COL14A1: variants seen among roughly 807,000 people sequenced by gnomAD.
COL14A1 encodes the protein collagen type XIV alpha 1 chain.
A neutral mutation model predicts 230.3 loss-of-function variants in COL14A1; 136 were observed. That is an observed-to-expected ratio of 0.59 (90% CI 0.51 to 0.68). The LOEUF (loss-of-function observed/expected upper bound fraction) is 0.68. Ranked by LOEUF, COL14A1 falls within the 30% of genes least tolerant of loss-of-function variation. The pLI is 0.00. For missense variants in COL14A1, 1,976 were observed against 2,215.8 expected (o/e 0.89, Z 2.17); for synonymous variants, 792 against 784.1 (o/e 1.01, Z -0.17).
At chr8:120,175,326 G>T (rs976486553) in intron 5 of COL14A1, among the ~76,000 whole-genome samples, 1 of 152,150 alleles carries the variant, frequency 6.6e-6, no homozygotes, top group Non-Finnish European at 1.5e-5. Context: ...TTTTGCACAA[G>T]AATGCAGAAC....
chr8:120,257,612 C>A (rs1227591530), intron 23 of COL14A1, among the ~76,000 whole-genome samples: 1 of 152,156 alleles, frequency 6.6e-6, no homozygotes, highest in Non-Finnish European at 1.5e-5. Flanking sequence ...CTTTAAAGGA[C>A]TTGTGGTAAG....
At chr8:120,253,022 C>T (rs544808007) in intron 22 of COL14A1, among the ~76,000 whole-genome samples, 44 of 152,290 alleles carry the variant, frequency 2.9e-4, no homozygotes, top group Middle Eastern at 6.8e-3. Flanking sequence ...TGATCTTGTG[C>T]TTGGCTGTTG....
At chr8:120,152,550 A>C (rs1815325738) in intron 2 of COL14A1, among the ~76,000 whole-genome samples, 1 of 151,532 alleles carries the variant, frequency 6.6e-6, no homozygotes, top group Non-Finnish European at 1.5e-5. Flanking sequence ...AATGTGCTTT[A>C]CCATTTAGTC....
chr8:120,200,699 T>C (rs1817207382), intron 8 of COL14A1, among the ~76,000 whole-genome samples: 1 of 128,884 alleles, frequency 7.8e-6, no homozygotes, highest in African/African-American at 2.8e-5. Context: ...AGAAAGATCC[T>C]AAAAAGTTTT....
At chr8:120,176,320 C>T (rs1472237783) in intron 5 of COL14A1, among the ~76,000 whole-genome samples, 4 of 152,126 alleles carry the variant, frequency 2.6e-5, no homozygotes, top group Non-Finnish European at 5.9e-5. Flanking sequence ...TCTAGCAGGG[C>T]TCAACACATG....
At chr8:120,155,944 A>G (rs1815462590) in intron 2 of COL14A1, among the ~76,000 whole-genome samples, 1 of 152,164 alleles carries the variant, frequency 6.6e-6, no homozygotes. Context: ...GAGAAATGTA[A>G]ACTCTTTCTT....
At chr8:120,186,955 A>T (rs938624562) in intron 5 of COL14A1, among the ~76,000 whole-genome samples, 1 of 152,172 alleles carries the variant, frequency 6.6e-6, no homozygotes, top group Non-Finnish European at 1.5e-5. Flanking sequence ...CACAAAAAAA[A>T]TGTACAAATC....
rs771217021 is a variant in COL14A1, at chr8:120,370,920, G to A, written c.5312-232G>A. On this transcript the variant is annotated intron_variant, in intron 47 of 47. Transcript: ENST00000297848. The stretch of plus-strand genomic sequence containing the variant: ...GTAAATAAAACATAATATTTAAATG[G>A]TTGGTTATGATTCTAGTTTTCTAAC... The A allele has an allele frequency of 2.6e-4, 308 of 1,186,618 alleles. 1 individual carries two copies. Among genetic ancestry groups the A allele is most frequent in the Middle Eastern group, 2.9e-4 (1 of 3,500 alleles). The allele number at this position is 1,186,618 out of a possible 1,614,324, so 73.5% of individuals were successfully genotyped here.
At chr8:120,139,750 G>T (rs1441648232) in intron 1 of COL14A1, among the ~76,000 whole-genome samples, 1 of 152,194 alleles carries the variant, frequency 6.6e-6, no homozygotes, top group Non-Finnish European at 1.5e-5. Context: ...ACATAGCCAA[G>T]TGCGGTGGCT....
intron 5 of COL14A1, 112 bp downstream of exon 5, chr8:120,168,359 A>G (rs1388182921): frequency 1.4e-6 from 1 of 708,024 alleles, no homozygotes; most frequent in Non-Finnish European, 2.4e-6. Context: ...GTCTAATACG[A>G]AGATCGCCTG....
rs1821188950 is a variant in COL14A1, at chr8:120,315,455, T to A, written c.4552-78T>A. The A allele has an allele frequency of 1.2e-5, 13 of 1,112,534 alleles. No individual in the cohort carries two copies. In the Middle Eastern group the frequency reaches 1.2e-3, roughly 102 times the overall value. The allele number at this position is 1,112,534 out of a possible 1,614,324, so 68.9% of individuals were successfully genotyped here. A position where few individuals can be genotyped will look rare whatever the true frequency, so the allele number is the denominator to read the frequency against. ...AACGCGATTTACTGTGGAAACTATT[T>A]AAATAATGAGAGAAGGAAAAGAAAA... On this transcript the variant is annotated intron_variant, in intron 38 of 47. Coordinates refer to ENST00000297848, the MANE Select transcript of COL14A1 (RefSeq NM_021110.4).
At chr8:120,197,153 A>C (rs1047657298) in intron 6 of COL14A1, among the ~76,000 whole-genome samples, 1 of 152,164 alleles carries the variant, frequency 6.6e-6, no homozygotes, top group Non-Finnish European at 1.5e-5. Context: ...ATTATTGAAC[A>C]TATTTTAATC....
chr8:120,153,837 G>A (rs372824792), intron 2 of COL14A1, among the ~76,000 whole-genome samples: 17 of 152,204 alleles, frequency 1.1e-4, no homozygotes, highest in African/African-American at 4.1e-4. Flanking sequence ...GTAGAAACTA[G>A]TGACCATTTT....
chr8:120,294,146 G>A (rs1477920659), intron 34 of COL14A1, among the ~76,000 whole-genome samples: 1 of 149,262 alleles, frequency 6.7e-6, no homozygotes, highest in Non-Finnish European at 1.5e-5. Flanking sequence ...TATAAATTTA[G>A]TTAAAACATG....
At chr8:120,306,768 C>T (rs893510580) in intron 36 of COL14A1, among the ~76,000 whole-genome samples, 2 of 152,094 alleles carry the variant, frequency 1.3e-5, no homozygotes, top group Non-Finnish European at 2.9e-5. Flanking sequence ...GACATGGTGC[C>T]TCTGACATGA....
chr8:120,315,848 G>A, intron 39 of COL14A1, 96 bp from the exon 40 acceptor site: 1 of 1,250,390 alleles, frequency 8.0e-7, no homozygotes. Flanking sequence ...TATGCTCTTA[G>A]GTTTGTTTGG....
chr8:120,191,030 G>A (rs1220080288), intron 5 of COL14A1, among the ~76,000 whole-genome samples: 1 of 144,304 alleles, frequency 6.9e-6, no homozygotes, highest in Non-Finnish European at 1.5e-5. Flanking sequence ...AGGGTTTTTT[G>A]TGTCTCTATT....
At chr8:120,181,154 A>G (rs181658860) in intron 5 of COL14A1, among the ~76,000 whole-genome samples, 101 of 152,130 alleles carry the variant, frequency 6.6e-4, no homozygotes, top group South Asian at 1.0e-3. Context: ...CAAGGATGGC[A>G]TTAGCCCTAA....
chr8:120,136,670 A>G (rs910735930), intron 1 of COL14A1, among the ~76,000 whole-genome samples: 3 of 151,998 alleles, frequency 2.0e-5, no homozygotes, highest in Admixed American at 6.6e-5. Context: ...TTTGATAAAA[A>G]GGTTATGTTA....
Sources: allele counts gnomAD v4.1 joint callset (sites outside exome capture counted in the v4.1 genomes callset), GRCh38; gene constraint gnomAD v4.1.1; transcripts MANE v1.5; gene names NCBI Gene and HGNC (gene_info 2026-07-23, HGNC 2026-07-21).